ANHX: variants seen among roughly 807,000 people sequenced by gnomAD.
ANHX encodes anomalous homeobox.
In ANHX, 20 loss-of-function variants were observed where a neutral mutation model predicts 38.9. The observed-to-expected ratio is 0.51, with a 90% CI of 0.36 to 0.75. The LOEUF (loss-of-function observed/expected upper bound fraction) is 0.75. Ranked by LOEUF, ANHX falls within the 30% of genes least tolerant of loss-of-function variation. The probability of loss-of-function intolerance (pLI) is 0.00; values close to 1 mark genes in which losing one functional copy is unlikely to be tolerated. For synonymous variants in ANHX, 185 were observed against 203.1 expected, an observed-to-expected ratio of 0.91 and a Z score of 0.76; for missense variants, 475 against 493.1, an observed-to-expected ratio of 0.96 and a Z score of 0.35.
rs541013188 is a variant in ANHX, at chr12:133,227,034, G to T, written c.620C>A (p.Ala207Asp). Residue 207 changes from alanine to aspartate, a missense_variant, in exon 5 of 10, where the codon GCT (alanine) becomes GAT (aspartate). Coordinates refer to ENST00000545940, the MANE Select transcript of ANHX (RefSeq NM_001372060.1). ...QHMKPAQQAT[A>D]EDPGARERGP... ...CCTCTCCCTCGCACCAGGGTCTTCA[G>T]CTGTGGCCTGCTGGGCTGGCTTCAT... 3 of 1,536,044 alleles carry T rather than the reference G, an allele frequency of 2.0e-6. No homozygotes were observed. Among genetic ancestry groups the T allele is most frequent in the Non-Finnish European group, 1.7e-6 (2 of 1,146,852 alleles).
intron 7 of ANHX, among the ~76,000 whole-genome samples, chr12:133,224,760 T>C (rs1213863004): frequency 2.7e-5 from 4 of 148,144 alleles, no homozygotes; most frequent in Admixed American, 1.3e-4. Context: ...GGTCAGGAGA[T>C]CAAGACCATC....
intron 8 of ANHX, 130 bp from the exon 9 acceptor site, chr12:133,219,497 T>G: frequency 7.8e-6 from 5 of 639,594 alleles, no homozygotes; most frequent in East Asian, 2.8e-5. Flanking sequence ...ACAGACTCTC[T>G]TCCTGCAGGG....
intron 3 of ANHX, among the ~76,000 whole-genome samples, chr12:133,228,972 C>T (rs1446080930): frequency 2.0e-5 from 3 of 152,136 alleles, no homozygotes; most frequent in Admixed American, 2.0e-4. Flanking sequence ...TCACACAATC[C>T]GAAGTTCATT....
chr12:133,231,666 G>C (rs1222885211), intron 2 of ANHX, 22 bp from the exon 3 acceptor site: 1 of 1,535,688 alleles, frequency 6.5e-7, no homozygotes, highest in Non-Finnish European at 8.7e-7. Flanking sequence ...AGTGTACTGA[G>C]CCCTGGCCAC....
chr12:133,227,932 G>C lies in ANHX; in HGVS notation c.393C>G (p.Pro131=). Residue 131 remains proline, a synonymous_variant, in exon 4 of 10, where the codon CCC becomes CCG. Transcript: ENST00000545940. ...FRCRKRNPPP[P]SLCPEGLKSR... is the part of the protein sequence containing the mutation. ...TCTTCAGCCCCTCTGGGCAGAGGGA[G>C]GGGGGCGGGGGGTTCCTGGGTAAGG... 1 of 909,968 alleles carries C rather than the reference G, an allele frequency of 1.1e-6. No homozygotes were observed. Among genetic ancestry groups the C allele is most frequent in the African/African-American group, 1.7e-5 (1 of 57,838 alleles). The allele number at this position is 909,968 out of a possible 1,614,324, so 56.4% of individuals were successfully genotyped here.
At position 133,218,543 on chromosome 12, in the gene ANHX, G is replaced by T; in HGVS notation, c.*342C>A. On this transcript the variant is annotated 3_prime_UTR_variant, in exon 10 of 10. Transcript: ENST00000545940. Reference sequence around the variant, plus strand: ...GTCTGGCTGTGTGCACGGGCAGACGGCAAGGCAGCCAGCAGCAGAACACTC... The same window carrying T: ...GTCTGGCTGTGTGCACGGGCAGACGTCAAGGCAGCCAGCAGCAGAACACTC... 1 of 186,942 alleles carries T rather than the reference G, an allele frequency of 5.3e-6. No individual in the cohort carries two copies. Among genetic ancestry groups the T allele is most frequent in the Middle Eastern group, 2.3e-3 (1 of 438 alleles). The allele number at this position is 186,942 out of a possible 1,614,324, so 11.6% of individuals were successfully genotyped here.
At position 133,227,834 on chromosome 12, in the gene ANHX, T is replaced by A; in HGVS notation, c.491A>T (p.Lys164Met). Residue 164 changes from lysine (K) to methionine (M), a missense_variant, in exon 4 of 10, where the codon AAG becomes ATG. Lys to Met is a moderately conservative substitution (Grantham distance 95, BLOSUM62 -1). Transcript: ENST00000545940. ...FAVGVNTNPS[K>M]AERENLALET... ...ATCTTCTATTCTTACCCTCTCAGCC[T>A]TGCTGGGGTTGGTGTTCACCCCCAC... 1 of 1,534,066 alleles carries A rather than the reference T, an allele frequency of 6.5e-7. No individual in the cohort carries two copies. The highest frequency in any genetic ancestry group is 8.7e-7 in the Non-Finnish European group (1 of 1,145,856).
chr12:133,232,880 C>G (rs1397508511), intron 2 of ANHX, among the ~76,000 whole-genome samples: 1 of 152,186 alleles, frequency 6.6e-6, no homozygotes, highest in Non-Finnish European at 1.5e-5. Flanking sequence ...TGTGGTGGCC[C>G]TGCCTCATGG....
chr12:133,227,311 T>C (rs753832335), intron 4 of ANHX, among the ~76,000 whole-genome samples, 159 bp from the exon 5 acceptor site: 29 of 152,166 alleles, frequency 1.9e-4, no homozygotes, highest in East Asian at 1.9e-4. Context: ...GAGCAGAACA[T>C]GCAGGCCTCA....
Position 133,221,640 on chromosome 12 carries a change from A to C in ANHX, c.1133-288T>G, listed in dbSNP as rs1050866427. Among the ~76,000 whole-genome samples, 7 of 152,140 alleles carry C rather than the reference A, an allele frequency of 4.6e-5. No homozygotes were observed. The highest frequency in any genetic ancestry group is 1.7e-4 in the African/African-American group (7 of 41,436). On this transcript the variant is annotated intron_variant, in intron 7 of 9. Transcript: ENST00000545940. The surrounding 1 kb of genome is among the most constrained non-coding windows in gnomAD (Gnocchi z 4.1). ...GCAGACCTCATGTGCCCTCGGTGCC[A>C]GTCAGAGTCTGCAGCTTGCTCCGTC...
At chr12:133,230,755 T>C (rs1189528892) in intron 3 of ANHX, among the ~76,000 whole-genome samples, 1 of 76,092 alleles carries the variant, frequency 1.3e-5, no homozygotes, top group Non-Finnish European at 2.3e-5. Context: ...AGCAAGACCC[T>C]GTCTCAATTT....
intron 7 of ANHX, among the ~76,000 whole-genome samples, chr12:133,224,243 G>C (rs1358965583): frequency 2.0e-5 from 3 of 151,860 alleles, no homozygotes; most frequent in African/African-American, 4.9e-5. Flanking sequence ...TGCTTCAAAT[G>C]CTGGAAGATG....
rs759060628 is a variant in ANHX, at chr12:133,234,310, G to A, written c.47C>T (p.Ala16Val). The part of the protein sequence containing the change: ...TLLKEHEDTC[A>V]PPAELVTLAG... The stretch of plus-strand genomic sequence containing the variant: ...AAGGGTCACCAGCTCCGCCGGGGGT[G>A]CACAGGTGTCCTCATGCTCCTTCAG... The change falls in exon 2 of 10, where the codon GCA (alanine) becomes GTA (valine). Residue 16 changes from alanine (A) to valine (V), a missense_variant. Physicochemically the swap from Ala to Val is moderately conservative, Grantham distance 64. Transcript: ENST00000545940. 19 of 1,535,994 alleles carry A rather than the reference G, an allele frequency of 1.2e-5. No individual in the cohort carries two copies. The highest frequency in any genetic ancestry group is 1.7e-5 in the Non-Finnish European group (19 of 1,146,898).
At chr12:133,233,979 TG>T (rs1957324485) in intron 2 of ANHX, 128 bp downstream of exon 2, 2 of 1,235,410 alleles carry the variant, frequency 1.6e-6, no homozygotes, top group Non-Finnish European at 2.2e-6. Context: ...TTCCAAGGCC[TG>T]GGGGTGGGCC....
At chr12:133,225,230 T>C (rs1011607361) in intron 7 of ANHX, among the ~76,000 whole-genome samples, 2 of 152,052 alleles carry the variant, frequency 1.3e-5, no homozygotes, top group East Asian at 1.9e-4. Context: ...CCGGTGTTAA[T>C]AGATAAATCA....
In ANHX at chr12:133,226,554, A is replaced by C. The variant is rs1957192221; in HGVS notation, c.719-116T>G. 2.2e-6 allele frequency: 3 copies of C among 1,383,574 alleles called. No individual in the cohort carries two copies. In the South Asian group the frequency reaches 4.5e-5, roughly 21 times the overall value. 85.7% of individuals were successfully genotyped at this position (1,383,574 alleles called of 1,614,324 possible). Reference sequence around the variant, plus strand: ...AAGGCTGTTGCCATGGGGCCATCCCAATGTTTTTGCTTCTTGTCCTGTCTT... The same window carrying C: ...AAGGCTGTTGCCATGGGGCCATCCCCATGTTTTTGCTTCTTGTCCTGTCTT... On this transcript the variant is annotated intron_variant, in intron 5 of 9. Transcript: ENST00000545940.
chr12:133,231,368 A>T, intron 3 of ANHX, 149 bp downstream of exon 3: 1 of 1,142,006 alleles, frequency 8.8e-7, no homozygotes, highest in Non-Finnish European at 1.2e-6. Context: ...TCTTATGCTG[A>T]CTACACTGTG....
intron 6 of ANHX, among the ~76,000 whole-genome samples, 185 bp from the exon 7 acceptor site, chr12:133,226,013 G>A (rs1197520577): frequency 6.6e-6 from 1 of 152,232 alleles, no homozygotes; most frequent in Non-Finnish European, 1.5e-5. Flanking sequence ...GGACAGCTGG[G>A]TTTGTCTTTA....
rs1454721802 is a variant in ANHX, at chr12:133,227,009, C to A, written c.645G>T (p.Arg215Ser). The A allele has an allele frequency of 6.5e-7, 1 of 1,535,686 alleles. No homozygotes were observed. The change falls in exon 5 of 10, where the codon AGG (arginine) becomes AGT (serine). Residue 215 changes from arginine to serine, a missense_variant. Coordinates refer to ENST00000545940, the MANE Select transcript of ANHX (RefSeq NM_001372060.1). ...CTGAGGGCTGCAGGAGGTCAGGACC[C>A]CTCTCCCTCGCACCAGGGTCTTCAG... is the stretch of plus-strand genomic sequence containing the variant. ...ATAEDPGARE[R>S]GPDLLQPSGN... is the part of the protein sequence containing the mutation.
Sources: allele counts gnomAD v4.1 joint callset (sites outside exome capture counted in the v4.1 genomes callset), GRCh38; gene constraint gnomAD v4.1.1; non-coding constraint Gnocchi (gnomAD v3.1); transcripts MANE v1.5; gene names NCBI Gene and HGNC (gene_info 2026-07-23, HGNC 2026-07-21).